The following TMC1 variants were observed in gnomAD, a reference collection of about 807,000 sequenced individuals.
The protein encoded by TMC1 is transmembrane channel-like protein 1.
A neutral mutation model predicts 105.8 loss-of-function variants in TMC1; 84 were observed. That is an observed-to-expected ratio of 0.79 (90% CI 0.67 to 0.95). The LOEUF (loss-of-function observed/expected upper bound fraction) is 0.95. Ranked by LOEUF, TMC1 falls within the 40% of genes least tolerant of loss-of-function variation. The pLI, the probability that TMC1 is intolerant of heterozygous loss-of-function variation, is 0.00. For synonymous variants in TMC1, 315 were observed against 311.5 expected (o/e 1.01, Z -0.12); for missense variants, 817 against 914.1 (o/e 0.89, Z 1.37).
intron 13 of TMC1, among the ~76,000 whole-genome samples, chr9:72,773,924 T>C (rs1463187134): frequency 1.3e-5 from 2 of 152,184 alleles, no homozygotes; most frequent in African/African-American, 4.8e-5. Context: ...TTCCCCTTGG[T>C]AATAGAGGTG....
At chr9:72,615,982 A>G (rs1006265645) in intron 2 of TMC1, among the ~76,000 whole-genome samples, 1 of 152,072 alleles carries the variant, frequency 6.6e-6, no homozygotes, top group Non-Finnish European at 1.5e-5. Flanking sequence ...TCTTGACCTC[A>G]GGTGATTCCT....
chr9:72,754,780 A>C lies in TMC1; in HGVS notation c.643-6A>C. 4 of 1,609,776 alleles carry C rather than the reference A, an allele frequency of 2.5e-6. No homozygotes were observed. Among genetic ancestry groups the C allele is most frequent in the Non-Finnish European group, 3.4e-6 (4 of 1,176,114 alleles). On this transcript the variant is annotated splice_region_variant and splice_polypyrimidine_tract_variant and intron_variant, in intron 11 of 23. Transcript: ENST00000297784. ...TGTTCACTGCTTTCTTTGCTTCTTCATACAGTACCTCTGGGGTTTGCCATA... is the reference window on the plus strand; with the variant it reads ...TGTTCACTGCTTTCTTTGCTTCTTCCTACAGTACCTCTGGGGTTTGCCATA...
At chr9:72,668,773 A>G (rs1033512327) in intron 5 of TMC1, among the ~76,000 whole-genome samples, 1 of 152,062 alleles carries the variant, frequency 6.6e-6, no homozygotes, top group Non-Finnish European at 1.5e-5. Context: ...TAAATTCTGG[A>G]TGTTCGATTC....
chr9:72,780,409 A>C (rs892296735), intron 13 of TMC1, among the ~76,000 whole-genome samples: 6 of 152,200 alleles, frequency 3.9e-5, no homozygotes, highest in African/African-American at 1.4e-4. Flanking sequence ...TTCACATATG[A>C]ATATTAACCT....
chr9:72,688,003 A>C (rs1826404383), intron 5 of TMC1, among the ~76,000 whole-genome samples: 1 of 152,128 alleles, frequency 6.6e-6, no homozygotes, highest in Admixed American at 6.6e-5. Flanking sequence ...AAAATTTTAT[A>C]AAACTTTTAT....
intron 13 of TMC1, among the ~76,000 whole-genome samples, chr9:72,775,319 T>A (rs977297292): frequency 3.9e-5 from 6 of 152,066 alleles, no homozygotes; most frequent in Non-Finnish European, 8.8e-5. Flanking sequence ...TGCTTAGAAA[T>A]CTTCATGATA....
At chr9:72,567,058 T>C (rs940530966) in intron 1 of TMC1, among the ~76,000 whole-genome samples, 5 of 152,240 alleles carry the variant, frequency 3.3e-5, no homozygotes, top group African/African-American at 1.2e-4. Flanking sequence ...TTTCTGCTTA[T>C]GTCTCCTGCC....
At chr9:72,803,636 C>A (rs1266792833) in intron 17 of TMC1, among the ~76,000 whole-genome samples, 2 of 152,172 alleles carry the variant, frequency 1.3e-5, no homozygotes, top group Admixed American at 1.3e-4. Flanking sequence ...AAAAAACACT[C>A]AACATCACTG....
At chr9:72,572,523 T>G (rs1265588776) in intron 1 of TMC1, among the ~76,000 whole-genome samples, 1 of 152,204 alleles carries the variant, frequency 6.6e-6, no homozygotes, top group Non-Finnish European at 1.5e-5. Context: ...TCTCTTTGTA[T>G]AAATGTGAAA....
At chr9:72,769,725 C>A (rs140145128) in intron 12 of TMC1, among the ~76,000 whole-genome samples, 2 of 152,146 alleles carry the variant, frequency 1.3e-5, no homozygotes, top group African/African-American at 4.8e-5. Context: ...TAAATGTTCA[C>A]GAAATGTATA....
At chr9:72,581,245 A>G (rs1402635591) in intron 2 of TMC1, among the ~76,000 whole-genome samples, 1 of 152,268 alleles carries the variant, frequency 6.6e-6, no homozygotes, top group South Asian at 2.1e-4. Context: ...TAGAAGGTTG[A>G]CAAGGAAAAC....
intron 1 of TMC1, among the ~76,000 whole-genome samples, chr9:72,569,359 C>T (rs889719944): frequency 4.0e-5 from 6 of 151,794 alleles, no homozygotes; most frequent in East Asian, 1.9e-4. Flanking sequence ...ATGTAGAACC[C>T]GGCTACAGAG....
At chr9:72,715,996 T>C (rs1214012624) in intron 8 of TMC1, among the ~76,000 whole-genome samples, 1 of 152,210 alleles carries the variant, frequency 6.6e-6, no homozygotes, top group Non-Finnish European at 1.5e-5. Flanking sequence ...TTTGTTAGTT[T>C]TCCTTCTAAC....
rs143478850 is a variant in TMC1 at position 72,584,317 on chromosome 9, G to A, written c.-306+6294G>A. The stretch of plus-strand genomic sequence containing the variant: ...GTCTGGCTCTGTTACCCAGGCTGTA[G>A]TGCAGTGATGAGATCACAGGTCACT... On this transcript the variant is annotated intron_variant, in intron 2 of 23. Transcript: ENST00000297784. Among the ~76,000 whole-genome samples, 203 of 149,072 alleles carry A rather than the reference G, an allele frequency of 1.4e-3. 2 individuals carry two copies. Among genetic ancestry groups the A allele is most frequent in the African/African-American group, 4.8e-3 (192 of 40,144 alleles).
At position 72,757,845 on chromosome 9, in the gene TMC1, A is replaced by G. The variant is rs181335324; in HGVS notation, c.741+2961A>G. On this transcript the variant is annotated intron_variant, in intron 12 of 23. Transcript: ENST00000297784. The stretch of plus-strand genomic sequence containing the variant: ...TATTACAAGAACCATAACTTGACCA[A>G]AGGCAAACAGCTATTAGGAAACCGA... 6.4e-4 allele frequency among the ~76,000 whole-genome samples: 97 copies of G among 152,332 alleles called. 2 individuals carry two copies. Among genetic ancestry groups the G allele is most frequent in the African/African-American group, 1.9e-3 (80 of 41,566 alleles).
At chr9:72,833,568 C>A (rs1458318329) in intron 23 of TMC1, among the ~76,000 whole-genome samples, 1 of 152,122 alleles carries the variant, frequency 6.6e-6, no homozygotes, top group Non-Finnish European at 1.5e-5. Flanking sequence ...CCCCAACTTC[C>A]TCTCTTTTGG....
intron 17 of TMC1, among the ~76,000 whole-genome samples, chr9:72,798,307 C>T (rs1450103948): frequency 2.6e-5 from 4 of 152,046 alleles, no homozygotes; most frequent in Admixed American, 6.6e-5. Flanking sequence ...AGCAGTATGG[C>T]GATTCCTCAA....
At chr9:72,671,976 T>G (rs1243851334) in intron 5 of TMC1, among the ~76,000 whole-genome samples, 1 of 152,208 alleles carries the variant, frequency 6.6e-6, no homozygotes, top group Non-Finnish European at 1.5e-5. Flanking sequence ...GAAACACATG[T>G]AAGAACAGAA....
At chr9:72,649,700 C>A (rs534467826) in intron 5 of TMC1, among the ~76,000 whole-genome samples, 2 of 152,256 alleles carry the variant, frequency 1.3e-5, no homozygotes, top group South Asian at 4.1e-4. Flanking sequence ...ATGGCCCAAA[C>A]TTTCATATTA....
Sources: gnomAD v4.1 joint callset for allele counts (sites outside exome capture counted in the v4.1 genomes callset) on GRCh38, gnomAD v4.1.1 for gene constraint, MANE v1.5 for transcripts, NCBI Gene and HGNC (gene_info 2026-07-23, HGNC 2026-07-21) for gene names.